CYP26B1: variants seen among roughly 807,000 people sequenced by gnomAD.
CYP26B1 encodes the protein cytochrome P450 26B1.
Under a neutral mutation model 39.1 loss-of-function variants are expected in CYP26B1, and 8 were observed. That is an observed-to-expected ratio of 0.20 (90% confidence interval 0.12 to 0.37). CYP26B1 has a LOEUF of 0.37. Among genes scored for constraint, CYP26B1 ranks in the 10% least tolerant of loss-of-function variants. CYP26B1 has a pLI of 1.00. For synonymous variants in CYP26B1, 321 were observed against 314.3 expected (o/e 1.02, Z -0.23); for missense variants, 615 against 707.0 (o/e 0.87, Z 1.48).
intron 4 of CYP26B1, 106 bp from the exon 5 acceptor site, chr2:72,133,413 C>G (rs1330057139): frequency 6.4e-6 from 9 of 1,410,682 alleles, no homozygotes; most frequent in Non-Finnish European, 6.8e-6. Context: ...GTGCTGGGCC[C>G]TGCCTGGTTC....
At position 72,132,470 on chromosome 2, in the gene CYP26B1, G is replaced by A; in HGVS notation, c.1296C>T (p.Leu432=). 1.2e-6 allele frequency: 2 copies of A among 1,613,304 alleles called. No homozygotes were observed. The highest frequency in any genetic ancestry group is 2.7e-5 in the African/African-American group (2 of 75,060). The change falls in exon 6 of 6, where the codon CTC becomes CTT. Residue 432 remains leucine, a synonymous_variant. Transcript: ENST00000001146. ...AGGTCCGGACACCGCCACCGAACGGGAGGTAATGGAAGCGGCCATCCTTGT... is the reference window on the plus strand; with the variant it reads ...AGGTCCGGACACCGCCACCGAACGGAAGGTAATGGAAGCGGCCATCCTTGT... The part of the protein sequence containing the change: ...SEDKDGRFHY[L]PFGGGVRTCL...
intron 2 of CYP26B1, among the ~76,000 whole-genome samples, chr2:72,141,402 C>T (rs1447916953): frequency 1.3e-5 from 2 of 152,184 alleles, no homozygotes; most frequent in African/African-American, 2.4e-5. Context: ...AGTGCAGTGA[C>T]GGCAGTGAGA....
intron 2 of CYP26B1, among the ~76,000 whole-genome samples, chr2:72,142,832 C>T (rs1676980673): frequency 1.3e-5 from 2 of 152,232 alleles, no homozygotes; most frequent in African/African-American, 4.8e-5. Flanking sequence ...AGCCCCTTTC[C>T]AGTTCCTGAA....
chr2:72,142,510 C>T (rs1361517240), intron 2 of CYP26B1, among the ~76,000 whole-genome samples: 2 of 152,226 alleles, frequency 1.3e-5, no homozygotes, highest in East Asian at 1.9e-4. Context: ...AACCGCTCTA[C>T]GCCTCAGTGG....
At position 72,134,850 on chromosome 2, in the gene CYP26B1, T is replaced by A; in HGVS notation, c.772A>T (p.Thr258Ser). Reference protein sequence around the residue: ...EKAIREKLQCTQGKDYLDALD... With the variant: ...EKAIREKLQCSQGKDYLDALD... ...GCGTCCAAGTAGTCCTTGCCCTGTGTGCACTGCAGCTTCTCCCGGATGGCC... is the reference window on the plus strand; with the variant it reads ...GCGTCCAAGTAGTCCTTGCCCTGTGAGCACTGCAGCTTCTCCCGGATGGCC... Residue 258 changes from threonine to serine, a missense_variant, in exon 4 of 6, where the codon ACA becomes TCA. Physicochemically the swap from Thr to Ser is moderately conservative, Grantham distance 58. Coordinates refer to ENST00000001146, the MANE Select transcript of CYP26B1 (RefSeq NM_019885.4). The A allele has an allele frequency of 6.2e-7, 1 of 1,614,156 alleles. No homozygotes were observed. The highest frequency in any genetic ancestry group is 8.5e-7 in the Non-Finnish European group (1 of 1,179,994).
In CYP26B1 at chr2:72,132,996, C is replaced by T. The variant is rs764275427; in HGVS notation, c.1146+27G>A. On this transcript the variant is annotated intron_variant, in intron 5 of 5. Coordinates refer to ENST00000001146, the MANE Select transcript of CYP26B1 (RefSeq NM_019885.4). ...TCCCGGTGCCCCTGCTCCCCCATCG[C>T]CCCCGGTGCCACGGGCCCAGCCTCA... 3.6e-5 allele frequency: 58 copies of T among 1,612,906 alleles called. No homozygotes were observed. In the South Asian group the frequency reaches 4.5e-4, roughly 13 times the overall value.
At chr2:72,146,210 A>G (rs769112535) in intron 1 of CYP26B1, among the ~76,000 whole-genome samples, 14 of 152,180 alleles carry the variant, frequency 9.2e-5, no homozygotes, top group Non-Finnish European at 1.5e-4. Context: ...GTGGTGACAG[A>G]CCGTGGATTC....
rs1222367123 is a variant in CYP26B1, at chr2:72,144,805, G to A, written c.205-592C>T. ...CGATTTTCCTAATGCATTTTGCCCT[G>A]GAAATAACGGAGACGGACTTTGGTT... On this transcript the variant is annotated intron_variant, in intron 1 of 5. Transcript: ENST00000001146. Among the ~76,000 whole-genome samples the A allele has an allele frequency of 4.6e-5, 7 of 152,316 alleles. No individual in the cohort carries two copies. The East Asian group carries it at 1.2e-3, about 25-fold the overall frequency.
rs1327707394 is a variant in CYP26B1, at chr2:72,145,343, C to G, written c.205-1130G>C. 3.3e-5 allele frequency among the ~76,000 whole-genome samples: 5 copies of G among 152,310 alleles called. No individual in the cohort carries two copies. The East Asian group carries it at 9.7e-4, about 30-fold the overall frequency. On this transcript the variant is annotated intron_variant, in intron 1 of 5. Coordinates refer to ENST00000001146, the MANE Select transcript of CYP26B1 (RefSeq NM_019885.4). ...ACTCTGCAGAACCCGGAGCCCTAAT[C>G]ACTTTTCCACATGCGCCTCCGGCCC...
chr2:72,133,915 C>T (rs923714296), intron 4 of CYP26B1, among the ~76,000 whole-genome samples: 27 of 152,188 alleles, frequency 1.8e-4, no homozygotes, highest in African/African-American at 6.3e-4. Context: ...GAGCAGGACA[C>T]CAGGGCCATG....
intron 2 of CYP26B1, among the ~76,000 whole-genome samples, chr2:72,142,099 C>T (rs1341559957): frequency 1.3e-5 from 2 of 151,976 alleles, no homozygotes; most frequent in African/African-American, 2.4e-5. Context: ...CCCCCTTCCC[C>T]CCACCGCATT....
In CYP26B1 at chr2:72,147,685, G is replaced by A; in HGVS notation, c.150C>T (p.Pro50=). 1 of 1,609,876 alleles carries A rather than the reference G, an allele frequency of 6.2e-7. No homozygotes were observed. The highest frequency in any genetic ancestry group is 8.5e-7 in the Non-Finnish European group (1 of 1,178,584). The part of the protein sequence containing the change: ...TRDKSCKLPI[P]KGSMGFPLIG... The stretch of plus-strand genomic sequence containing the variant: ...TGAGCGGGAAGCCCATGGATCCCTT[G>A]GGGATGGGCAGCTTGCAGCTCTTGT... Residue 50 remains proline, a synonymous_variant, in exon 1 of 6, where the codon CCC becomes CCT. Coordinates refer to ENST00000001146, the MANE Select transcript of CYP26B1 (RefSeq NM_019885.4). The surrounding 1 kb of genome is among the most constrained non-coding windows in gnomAD (Gnocchi z 6.1).
chr2:72,134,785 C>T lies in CYP26B1; in HGVS notation c.837G>A (p.Lys279=), dbSNP rs1248456289. The T allele has an allele frequency of 6.2e-7, 1 of 1,613,932 alleles. No individual in the cohort carries two copies. The change falls in exon 4 of 6, where the codon AAG becomes AAA. Residue 279 remains lysine (K), a synonymous_variant. Coordinates refer to ENST00000001146, the MANE Select transcript of CYP26B1 (RefSeq NM_019885.4). ...CCTTCAGCTCCTGCATGGTCATCTC[C>T]TTCCCGTGCTCCTTGCTGCTCTCAA... The part of the protein sequence containing the change: ...LLIESSKEHG[K]EMTMQELKDG...
rs563914952 is a variant in CYP26B1 at position 72,134,646 on chromosome 2, T to C, written c.861+115A>G. The C allele has an allele frequency of 5.4e-6, 8 of 1,473,094 alleles. No individual in the cohort carries two copies. The African/African-American group carries it at 9.8e-5, about 18-fold the overall frequency. 91.3% of individuals were successfully genotyped at this position (1,473,094 alleles called of 1,614,324 possible). On this transcript the variant is annotated intron_variant, in intron 4 of 5. Coordinates refer to ENST00000001146, the MANE Select transcript of CYP26B1 (RefSeq NM_019885.4). Reference sequence around the variant, plus strand: ...GTCTCCAGCCACTGCTCAGAAAGCATGTGTGGGGCCAGACTACAGGGGGTA... The same window carrying C: ...GTCTCCAGCCACTGCTCAGAAAGCACGTGTGGGGCCAGACTACAGGGGGTA...
At chr2:72,137,114 G>A (rs984819954) in intron 2 of CYP26B1, among the ~76,000 whole-genome samples, 4 of 152,144 alleles carry the variant, frequency 2.6e-5, no homozygotes, top group Non-Finnish European at 5.9e-5. Context: ...GTTCTGTCAC[G>A]AAGAGTGCAG....
At position 72,129,382 on chromosome 2, in the gene CYP26B1, C is replaced by CA. The variant is rs543202626; in HGVS notation, c.*2844dup. 3 of 152,608 alleles carry CA rather than the reference C, an allele frequency of 2.0e-5. No homozygotes were observed. The highest frequency in any genetic ancestry group is 4.4e-5 in the Non-Finnish European group (3 of 68,022). The allele number at this position is 152,608 out of a possible 1,614,324, so 9.5% of individuals were successfully genotyped here. A position where few individuals can be genotyped will look rare whatever the true frequency, so the allele number is the denominator to read the frequency against. ...AAAACCACGACAGCAAAAACACTCA[C>CA]ACGGTACCAGTTTCATATCAAAACA... On this transcript the variant is annotated 3_prime_UTR_variant, in exon 6 of 6. Coordinates refer to ENST00000001146, the MANE Select transcript of CYP26B1 (RefSeq NM_019885.4).
chr2:72,147,500 G>A lies in CYP26B1; in HGVS notation c.204+131C>T. 2.1e-6 allele frequency: 2 copies of A among 936,930 alleles called. No individual in the cohort carries two copies. Among genetic ancestry groups the A allele is most frequent in the Non-Finnish European group, 1.5e-6 (1 of 673,430 alleles). The allele number at this position is 936,930 out of a possible 1,614,324, so 58.0% of individuals were successfully genotyped here. ...GGGAAGCCCGGGCTGCTGCGGCAGA[G>A]AGGAGGGAAGGGGCGGGGCGGGGAC... On this transcript the variant is annotated intron_variant, in intron 1 of 5. Transcript: ENST00000001146. This position sits in a 1 kb window ranked among gnomAD's most constrained non-coding sequence, Gnocchi z 6.1.
In CYP26B1 at chr2:72,130,946, G is replaced by C. The variant is rs1676553132; in HGVS notation, c.*1281C>G. On this transcript the variant is annotated 3_prime_UTR_variant, in exon 6 of 6. Coordinates refer to ENST00000001146, the MANE Select transcript of CYP26B1 (RefSeq NM_019885.4). ...CGCCTCTTCCCCACCCCTGAGCTGG[G>C]CTAAGCAGACAGTGGCATAGAGGTG... 1 of 152,708 alleles carries C rather than the reference G, an allele frequency of 6.5e-6. No individual in the cohort carries two copies. Among genetic ancestry groups the C allele is most frequent in the South Asian group, 2.1e-4 (1 of 4,830 alleles). 9.5% of individuals were successfully genotyped at this position (152,708 alleles called of 1,614,324 possible). A position where few individuals can be genotyped will look rare whatever the true frequency, so the allele number is the denominator to read the frequency against.
chr2:72,131,283 G>T lies in CYP26B1; in HGVS notation c.*944C>A, dbSNP rs1676566095. On this transcript the variant is annotated 3_prime_UTR_variant, in exon 6 of 6. Coordinates refer to ENST00000001146, the MANE Select transcript of CYP26B1 (RefSeq NM_019885.4). The stretch of plus-strand genomic sequence containing the variant: ...GGCTCCGAGATTAAACCCAAATAAT[G>T]CCCGGAGCCGGGGAAGGCTTTCAAC... 1 of 152,284 alleles carries T rather than the reference G, an allele frequency of 6.6e-6. No individual in the cohort carries two copies. Among genetic ancestry groups the T allele is most frequent in the Non-Finnish European group, 1.5e-5 (1 of 68,044 alleles). 9.4% of individuals were successfully genotyped at this position (152,284 alleles called of 1,614,324 possible).
Sources: allele counts gnomAD v4.1 joint callset (sites outside exome capture counted in the v4.1 genomes callset), GRCh38; gene constraint gnomAD v4.1.1; non-coding constraint Gnocchi (gnomAD v3.1); transcripts MANE v1.5; gene names NCBI Gene and HGNC (gene_info 2026-07-23, HGNC 2026-07-21).